ADGRL3: variants seen among roughly 807,000 people sequenced by gnomAD.
The protein encoded by ADGRL3 is calcium-independent alpha-latrotoxin receptor 3.
ADGRL3 carries 62 observed loss-of-function variants against 153.5 expected under a neutral mutation model. The observed-to-expected ratio is 0.40, with a 90% CI of 0.33 to 0.50. The LOEUF (loss-of-function observed/expected upper bound fraction) is 0.50, where lower values mean the gene tolerates loss of function less well. Among genes scored for constraint, ADGRL3 ranks in the 20% least tolerant of loss-of-function variants. The probability of loss-of-function intolerance (pLI) is 0.47; values close to 1 mark genes in which losing one functional copy is unlikely to be tolerated. For missense variants in ADGRL3, 1,641 were observed against 1,859.4 expected, an observed-to-expected ratio of 0.88 and a Z score of 2.16; for synonymous variants, 710 against 672.5, an observed-to-expected ratio of 1.06 and a Z score of -0.86.
At chr4:61,473,620 C>A (rs2097999368) in intron 2 of ADGRL3, among the ~76,000 whole-genome samples, 1 of 151,584 alleles carries the variant, frequency 6.6e-6, no homozygotes, top group Non-Finnish European at 1.5e-5. Flanking sequence ...GGAAAAAAAC[C>A]AAAACATGTA....
intron 6 of ADGRL3, chr4:61,677,180 T>G: frequency 2.5e-6 from 1 of 405,322 alleles, no homozygotes; most frequent in Non-Finnish European, 4.5e-6. Flanking sequence ...CACACTTTTC[T>G]TAATTAATGC....
chr4:61,903,049 G>T (rs537984554), intron 11 of ADGRL3, among the ~76,000 whole-genome samples: 1 of 152,140 alleles, frequency 6.6e-6, no homozygotes, highest in Non-Finnish European at 1.5e-5. Flanking sequence ...ATAGATAAGC[G>T]GATGGAGATA....
chr4:61,854,376 A>C (rs1047879327), intron 9 of ADGRL3, among the ~76,000 whole-genome samples: 1 of 152,212 alleles, frequency 6.6e-6, no homozygotes, highest in Non-Finnish European at 1.5e-5. Context: ...TGTAGCACCA[A>C]AAGTAAGGAA....
chr4:61,492,934 T>G (rs1263004025), intron 2 of ADGRL3, among the ~76,000 whole-genome samples: 3 of 152,102 alleles, frequency 2.0e-5, no homozygotes, highest in African/African-American at 7.2e-5. Context: ...CAACTTTACT[T>G]TTAAATTTTG....
At chr4:61,363,339 A>ATTTTTTTTTTTTTTTTTTTTT (rs35533541) in intron 1 of ADGRL3, among the ~76,000 whole-genome samples, 1 of 146,942 alleles carries the variant, frequency 6.8e-6, no homozygotes, top group African/African-American at 2.5e-5. Flanking sequence ...AAAGCCGGTA[A>ATTTTTTTTTTTTTTTTTTTTT]TTTTTTTTTT....
At position 61,579,335 on chromosome 4, in the gene ADGRL3, A is replaced by G. The variant is rs144518169; in HGVS notation, c.260-7892A>G. 4.3e-3 allele frequency among the ~76,000 whole-genome samples: 656 copies of G among 152,222 alleles called. 3 individuals carry two copies. Among genetic ancestry groups the G allele is most frequent in the African/African-American group, 0.015 (627 of 41,570 alleles). The stretch of plus-strand genomic sequence containing the variant: ...AATTACAGTTCTTACTCTTAAGAAC[A>G]TGTTAAACAGCCAGTTTGGATTTTT... On this transcript the variant is annotated intron_variant, in intron 4 of 26. Coordinates refer to ENST00000683033, the MANE Select transcript of ADGRL3 (RefSeq NM_001387552.1).
chr4:61,979,663 T>G lies in ADGRL3; in HGVS notation c.2906T>G (p.Phe969Cys), dbSNP rs151274984. 1.9e-6 allele frequency: 3 copies of G among 1,613,874 alleles called. No individual in the cohort carries two copies. The highest frequency in any genetic ancestry group is 2.5e-6 in the Non-Finnish European group (3 of 1,179,860). Reference protein sequence around the residue: ...CLLICIFTFCFFRGLQSDRNT... With the variant: ...CLLICIFTFCCFRGLQSDRNT... ...CTGATTTGCATCTTCACATTTTGCT[T>G]TTTCCGGGGGCTCCAGAGTGACCGT... is the stretch of plus-strand genomic sequence containing the variant. The change falls in exon 18 of 27, where the codon TTT becomes TGT. Residue 969 changes from phenylalanine to cysteine, a missense_variant. Physicochemically the swap from Phe to Cys is radical, Grantham distance 205. Transcript: ENST00000683033.
intron 5 of ADGRL3, among the ~76,000 whole-genome samples, chr4:61,620,699 G>A (rs2092443442): frequency 7.4e-6 from 1 of 134,566 alleles, no homozygotes; most frequent in South Asian, 2.4e-4. Flanking sequence ...GGAGTGCAGT[G>A]GTGCGATCTC....
chr4:61,372,001 C>A (rs912936965), intron 1 of ADGRL3, among the ~76,000 whole-genome samples: 4 of 152,064 alleles, frequency 2.6e-5, no homozygotes, highest in Admixed American at 1.3e-4. Flanking sequence ...TCGCTGATAC[C>A]CTTTCTCCAG....
Position 61,367,572 on chromosome 4 carries a change from A to C in ADGRL3, c.-239-15552A>C, listed in dbSNP as rs1265523051. Reference sequence around the variant, plus strand: ...TCCCTACAAAGGACATGAACTCATCATTTTTTATGGCTGCATAGTATTCCA... The same window carrying C: ...TCCCTACAAAGGACATGAACTCATCCTTTTTTATGGCTGCATAGTATTCCA... On this transcript the variant is annotated intron_variant, in intron 1 of 26. Coordinates refer to ENST00000683033, the MANE Select transcript of ADGRL3 (RefSeq NM_001387552.1). Among the ~76,000 whole-genome samples the C allele has an allele frequency of 4.6e-3, 690 of 150,404 alleles. 3 individuals carry two copies. The highest frequency in any genetic ancestry group is 0.016 in the African/African-American group (661 of 40,958).
intron 5 of ADGRL3, among the ~76,000 whole-genome samples, chr4:61,642,896 G>A (rs1164490690): frequency 5.9e-5 from 9 of 152,122 alleles, no homozygotes; most frequent in African/African-American, 1.2e-4. Flanking sequence ...CCATTTTCAC[G>A]ATATTGATTC....
intron 4 of ADGRL3, among the ~76,000 whole-genome samples, chr4:61,534,649 T>C (rs1024067830): frequency 4.6e-5 from 7 of 152,290 alleles, no homozygotes; most frequent in Admixed American, 4.6e-4. Flanking sequence ...TAGAGGATTT[T>C]AAATTCCTTC....
rs115029969 is a variant in ADGRL3, at chr4:61,838,148, C to G, written c.1480+24259C>G. Among the ~76,000 whole-genome samples, 474 of 152,214 alleles carry G rather than the reference C, an allele frequency of 3.1e-3. 2 individuals carry two copies. The highest frequency in any genetic ancestry group is 5.4e-3 in the Non-Finnish European group (366 of 67,992). On this transcript the variant is annotated intron_variant, in intron 9 of 26. Coordinates refer to ENST00000683033, the MANE Select transcript of ADGRL3 (RefSeq NM_001387552.1). ...CCAAGCTATAGCTAAATAAATACCT[C>G]ATGGTGCTATTTAGTAGTAATTATA... is the stretch of plus-strand genomic sequence containing the variant.
chr4:61,307,371 T>G (rs1371166750), intron 1 of ADGRL3, among the ~76,000 whole-genome samples: 1 of 152,218 alleles, frequency 6.6e-6, no homozygotes, highest in East Asian at 1.9e-4. Flanking sequence ...TTTTTATCAC[T>G]ATTTCACAGA....
At chr4:61,817,164 C>A (rs1223579052) in intron 9 of ADGRL3, among the ~76,000 whole-genome samples, 1 of 132,654 alleles carries the variant, frequency 7.5e-6, no homozygotes, top group Non-Finnish European at 1.6e-5. Context: ...CCCCCCCCCA[C>A]CAAGGCATGA....
chr4:61,550,099 A>G (rs1418062337), intron 4 of ADGRL3, among the ~76,000 whole-genome samples: 2 of 152,012 alleles, frequency 1.3e-5, no homozygotes, highest in African/African-American at 2.4e-5. Context: ...TCATATTACA[A>G]TAGCACAAGG....
At chr4:61,305,934 G>A (rs190821022) in intron 1 of ADGRL3, among the ~76,000 whole-genome samples, 256 of 152,230 alleles carry the variant, frequency 1.7e-3, no homozygotes, top group Admixed American at 2.9e-3. Flanking sequence ...AGTCATTGTC[G>A]TTATGATTGC....
At chr4:61,579,085 G>A (rs2098910492) in intron 4 of ADGRL3, among the ~76,000 whole-genome samples, 1 of 151,980 alleles carries the variant, frequency 6.6e-6, no homozygotes, top group Admixed American at 6.6e-5. Context: ...TAACTCTGAA[G>A]CTTCTGCTAG....
chr4:61,325,296 G>A (rs1292417547), intron 1 of ADGRL3, among the ~76,000 whole-genome samples: 7 of 152,026 alleles, frequency 4.6e-5, no homozygotes. Flanking sequence ...TGGCGACAGT[G>A]AGAGACTCAA....
Sources: gnomAD v4.1 joint callset for allele counts (sites outside exome capture counted in the v4.1 genomes callset) on GRCh38, gnomAD v4.1.1 for gene constraint, MANE v1.5 for transcripts, NCBI Gene and HGNC (gene_info 2026-07-23, HGNC 2026-07-21) for gene names.